KCNQ1: variants seen among roughly 807,000 people sequenced by gnomAD.
KCNQ1 encodes the protein potassium voltage-gated channel subfamily Q member 1, also known as potassium voltage-gated channel subfamily KQT member 1.
A neutral mutation model predicts 72.4 loss-of-function variants in KCNQ1; 49 were observed. That is an observed-to-expected ratio of 0.68 (90% CI 0.54 to 0.86). The LOEUF (loss-of-function observed/expected upper bound fraction) is 0.86, where lower values mean the gene tolerates loss of function less well. KCNQ1 is among the 40% of genes least tolerant of loss of function. The pLI, the probability that KCNQ1 is intolerant of heterozygous loss-of-function variation, is 0.00. For missense variants in KCNQ1, 790 were observed against 945.1 expected (o/e 0.84, Z 2.15); for synonymous variants, 450 against 412.6 (o/e 1.09, Z -1.10).
rs552704974 is a variant in KCNQ1, at chr11:2,623,753, A to C, written c.1393+34899A>C. 2.5e-6 allele frequency: 1 copy of C among 398,558 alleles called. No homozygotes were observed. Among genetic ancestry groups the C allele is most frequent in the Non-Finnish European group, 4.4e-6 (1 of 226,042 alleles). The allele number at this position is 398,558 out of a possible 1,614,324, so 24.7% of individuals were successfully genotyped here. On this transcript the variant is annotated intron_variant, in intron 10 of 15. Transcript: ENST00000155840. This position sits in a 1 kb window ranked among gnomAD's most constrained non-coding sequence, Gnocchi z 5.2. ...ACATCTCTGTGCAGATTTTTATGTG[A>C]ATATAAGTCTTCACCTCCTTTGAGT...
At chr11:2,525,450 G>A (rs756595559) in intron 1 of KCNQ1, among the ~76,000 whole-genome samples, 1 of 152,252 alleles carries the variant, frequency 6.6e-6, no homozygotes, top group Non-Finnish European at 1.5e-5. Context: ...ATGAGAGCAG[G>A]GGTGGTCAGT....
intron 10 of KCNQ1, chr11:2,614,528 T>C (rs1279627378): frequency 5.0e-6 from 2 of 398,406 alleles, no homozygotes; most frequent in African/African-American, 4.1e-5. Context: ...TATTTTTTGG[T>C]CTCTGATACA....
At chr11:2,489,288 C>T (rs1012864590) in intron 1 of KCNQ1, among the ~76,000 whole-genome samples, 1 of 152,102 alleles carries the variant, frequency 6.6e-6, no homozygotes, top group Non-Finnish European at 1.5e-5. Flanking sequence ...TCAGTGATTC[C>T]CTGTTGCCAC....
chr11:2,770,047 G>A (rs925881878), intron 12 of KCNQ1, among the ~76,000 whole-genome samples: 1 of 152,116 alleles, frequency 6.6e-6, no homozygotes, highest in Non-Finnish European at 1.5e-5. Flanking sequence ...TTGACTTCAG[G>A]AGCCTGAGAT....
chr11:2,820,705 C>T (rs1305652083), intron 15 of KCNQ1, among the ~76,000 whole-genome samples: 1 of 152,218 alleles, frequency 6.6e-6, no homozygotes, highest in Non-Finnish European at 1.5e-5. Context: ...CTGCCCCATC[C>T]TCTGGGCCCT....
chr11:2,604,029 C>T (rs1200542888), intron 10 of KCNQ1, among the ~76,000 whole-genome samples: 1 of 152,100 alleles, frequency 6.6e-6, no homozygotes, highest in Non-Finnish European at 1.5e-5. Flanking sequence ...AATCTTCCAT[C>T]GTATGATATA....
At chr11:2,793,396 G>GT (rs397757973) in intron 15 of KCNQ1, among the ~76,000 whole-genome samples, 1 of 113,842 alleles carries the variant, frequency 8.8e-6, no homozygotes, top group Non-Finnish European at 2.1e-5. Context: ...AAGACGGGGG[G>GT]ATGGCTTGAG....
chr11:2,698,454 G>A lies in KCNQ1; in HGVS notation c.1514+36373G>A, dbSNP rs1850715001. The A allele has an allele frequency of 2.5e-6, 1 of 398,286 alleles. No individual in the cohort carries two copies. Among genetic ancestry groups the A allele is most frequent in the South Asian group, 1.3e-4 (1 of 7,838 alleles). 24.7% of individuals were successfully genotyped at this position (398,286 alleles called of 1,614,324 possible). On this transcript the variant is annotated intron_variant, in intron 11 of 15. Coordinates refer to ENST00000155840, the MANE Select transcript of KCNQ1 (RefSeq NM_000218.3). The surrounding 1 kb of genome is among the most constrained non-coding windows in gnomAD (Gnocchi z 5.1). ...ACTACCCAGACTGAGACCTGCATCT[G>A]ATCAACTCTCATCTCCAATATGACC...
intron 11 of KCNQ1, among the ~76,000 whole-genome samples, chr11:2,716,137 C>T (rs1034611269): frequency 2.0e-5 from 3 of 152,198 alleles, no homozygotes; most frequent in African/African-American, 7.2e-5. Flanking sequence ...TTGCCGGATC[C>T]TCATTAATGG....
In KCNQ1 at chr11:2,567,965, T is replaced by C. The variant is rs1039075988; in HGVS notation, c.478-2663T>C. Among the ~76,000 whole-genome samples the C allele has an allele frequency of 1.3e-5, 2 of 152,166 alleles. No homozygotes were observed. The highest frequency in any genetic ancestry group is 2.9e-5 in the Non-Finnish European group (2 of 68,032). ...ATGCCTGGAGAAGGTATTTAAGTAA[T>C]TTTAAAAGTGCATCAAAACAAGGTC... is the stretch of plus-strand genomic sequence containing the variant. On this transcript the variant is annotated intron_variant, in intron 2 of 15. Coordinates refer to ENST00000155840, the MANE Select transcript of KCNQ1 (RefSeq NM_000218.3). This position sits in a 1 kb window ranked among gnomAD's most constrained non-coding sequence, Gnocchi z 6.6.
rs1589976347 is a variant in KCNQ1, at chr11:2,603,022, C to A, written c.1393+14168C>A. ...ATCTTCTGCTATAGCTTTTTTCTAA[C>A]AGCCTTGTGGAGATATAGTTTACAT... is the stretch of plus-strand genomic sequence containing the variant. On this transcript the variant is annotated intron_variant, in intron 10 of 15. Coordinates refer to ENST00000155840, the MANE Select transcript of KCNQ1 (RefSeq NM_000218.3). The surrounding 1 kb of genome is among the most constrained non-coding windows in gnomAD (Gnocchi z 4.1). 6.6e-6 allele frequency among the ~76,000 whole-genome samples: 1 copy of A among 152,160 alleles called. No homozygotes were observed. The highest frequency in any genetic ancestry group is 1.5e-5 in the Non-Finnish European group (1 of 68,030).
intron 3 of KCNQ1, among the ~76,000 whole-genome samples, 190 bp downstream of exon 3, chr11:2,570,944 A>C (rs1047024237): frequency 6.6e-6 from 1 of 152,152 alleles, no homozygotes; most frequent in Non-Finnish European, 1.5e-5. Flanking sequence ...GACGCTGATC[A>C]TGGTGTTGGG....
rs1277048346 is a variant in KCNQ1 at position 2,549,843 on chromosome 11, C to T, written c.478-20785C>T. 6.6e-6 allele frequency among the ~76,000 whole-genome samples: 1 copy of T among 152,126 alleles called. No homozygotes were observed. The highest frequency in any genetic ancestry group is 1.9e-4 in the East Asian group (1 of 5,178). On this transcript the variant is annotated intron_variant, in intron 2 of 15. Coordinates refer to ENST00000155840, the MANE Select transcript of KCNQ1 (RefSeq NM_000218.3). The surrounding 1 kb of genome is among the most constrained non-coding windows in gnomAD (Gnocchi z 6.2). ...CTGGCCCTGGGTGGCGGAGAGACCC[C>T]TGGGCAGGACACCCCTCCCTGGCTT...
chr11:2,680,246 T>A (rs117241550), intron 11 of KCNQ1: 6,753 of 397,576 alleles, frequency 0.017, 278 homozygotes, highest in East Asian at 0.098. Context: ...TCTGTGTGTA[T>A]ATTCATATCC....
chr11:2,589,853 G>A (rs568632501), intron 10 of KCNQ1, among the ~76,000 whole-genome samples: 3 of 152,314 alleles, frequency 2.0e-5, no homozygotes, highest in South Asian at 4.1e-4. Context: ...TGATGCATCC[G>A]TCATCTCGGG....
Position 2,451,101 on chromosome 11 carries a change from G to T in KCNQ1, c.386+5617G>T, listed in dbSNP as rs973403343. ...GGTTAAGGGTGGTGGGTCCAAGGGG[G>T]TGCCTGAGCCCTTCTGCAGAAACAC... On this transcript the variant is annotated intron_variant, in intron 1 of 15. Transcript: ENST00000155840. This position sits in a 1 kb window ranked among gnomAD's most constrained non-coding sequence, Gnocchi z 6.4. Among the ~76,000 whole-genome samples, 17 of 152,158 alleles carry T rather than the reference G, an allele frequency of 1.1e-4. No individual in the cohort carries two copies. Among genetic ancestry groups the T allele is most frequent in the Admixed American group, 1.1e-3 (17 of 15,278 alleles).
chr11:2,577,452 G>A (rs566303226), intron 6 of KCNQ1, among the ~76,000 whole-genome samples: 159 of 152,306 alleles, frequency 1.0e-3, no homozygotes, highest in African/African-American at 3.5e-3. Flanking sequence ...GCTGTACCTC[G>A]GGGAAGACGC....
intron 11 of KCNQ1, among the ~76,000 whole-genome samples, chr11:2,739,565 G>GACTCCATCTCAGACCAGGCTGAGT (rs1846016169): frequency 6.6e-6 from 1 of 152,238 alleles, no homozygotes. Context: ...AAAGGCTGAG[G>GACTCCATCTCAGACCAGGCTGAGT]ACTCCATCTC....
In KCNQ1 at chr11:2,566,339, C is replaced by T. The variant is rs1848246991; in HGVS notation, c.478-4289C>T. ...CCCTCCATGGCAGGCCTGGCCTCAC[C>T]TGCCAGTGTCCTCTCCCACACCCGA... On this transcript the variant is annotated intron_variant, in intron 2 of 15. Coordinates refer to ENST00000155840, the MANE Select transcript of KCNQ1 (RefSeq NM_000218.3). The surrounding 1 kb of genome is among the most constrained non-coding windows in gnomAD (Gnocchi z 6.7). Among the ~76,000 whole-genome samples the T allele has an allele frequency of 1.3e-5, 2 of 152,204 alleles. No individual in the cohort carries two copies. The highest frequency in any genetic ancestry group is 4.1e-4 in the South Asian group (2 of 4,832).
Sources: allele counts gnomAD v4.1 joint callset (sites outside exome capture counted in the v4.1 genomes callset), GRCh38; gene constraint gnomAD v4.1.1; non-coding constraint Gnocchi (gnomAD v3.1); transcripts MANE v1.5; gene names NCBI Gene and HGNC (gene_info 2026-07-23, HGNC 2026-07-21).